Variants in SAMD9L observed in about 807,000 individuals in gnomAD.
SAMD9L encodes the protein sterile alpha motif domain containing 9 like.
A neutral mutation model predicts 90.7 loss-of-function variants in SAMD9L; 68 were observed. The observed-to-expected ratio is 0.75, with a 90% CI of 0.62 to 0.92. The LOEUF (loss-of-function observed/expected upper bound fraction) is 0.92, where lower values mean the gene tolerates loss of function less well. Ranked by LOEUF, SAMD9L falls within the 40% of genes least tolerant of loss-of-function variation. The pLI is 0.00. For missense variants in SAMD9L, 1,604 were observed against 1,824.3 expected, an observed-to-expected ratio of 0.88 and a Z score of 2.20; for synonymous variants, 640 against 630.1, an observed-to-expected ratio of 1.02 and a Z score of -0.23.
chr7:93,132,021 A>G lies in SAMD9L; in HGVS notation c.3951T>C (p.Ser1317=), dbSNP rs1792132405. The change falls in exon 5 of 5, where the codon AGT becomes AGC. Residue 1317 remains serine, a synonymous_variant. Transcript: ENST00000318238. ...CCTCCTGGAGTAATTGACTCTCTTT[A>G]CTTTGTAATAGACATGGATCCAAAT... ...FCHLDPCLLQ[S]KESQLLQEEN... is the part of the protein sequence containing the mutation. 3 of 1,613,200 alleles carry G rather than the reference A, an allele frequency of 1.9e-6. No homozygotes were observed. The highest frequency in any genetic ancestry group is 1.7e-5 in the Admixed American group (1 of 59,834).
chr7:93,138,442 C>T (rs564480937), intron 4 of SAMD9L, among the ~76,000 whole-genome samples: 7 of 151,976 alleles, frequency 4.6e-5, no homozygotes, highest in African/African-American at 1.7e-4. Flanking sequence ...CACACACACA[C>T]ACACACACTC....
intron 4 of SAMD9L, among the ~76,000 whole-genome samples, chr7:93,143,002 C>G (rs1792751804): frequency 6.6e-6 from 1 of 152,170 alleles, no homozygotes; most frequent in African/African-American, 2.4e-5. Context: ...GCTTAGCAAC[C>G]ATTACATGCC....
intron 4 of SAMD9L, among the ~76,000 whole-genome samples, chr7:93,136,947 G>T (rs548418531): frequency 6.6e-6 from 1 of 152,254 alleles, no homozygotes; most frequent in South Asian, 2.1e-4. Flanking sequence ...CAAACTAGCA[G>T]CATCAGCATC....
chr7:93,139,984 C>T (rs1296996434), intron 4 of SAMD9L, among the ~76,000 whole-genome samples: 1 of 152,136 alleles, frequency 6.6e-6, no homozygotes, highest in African/African-American at 2.4e-5. Flanking sequence ...ACTTATTTTT[C>T]TCCTCTCTGG....
In SAMD9L at chr7:93,131,856, T is replaced by C. The variant is rs1239560891; in HGVS notation, c.4116A>G (p.Ser1372=). The C allele has an allele frequency of 6.2e-7, 1 of 1,612,158 alleles. No individual in the cohort carries two copies. Among genetic ancestry groups the C allele is most frequent in the South Asian group, 1.1e-5 (1 of 91,076 alleles). Residue 1372 remains serine, a synonymous_variant, in exon 5 of 5, where the codon TCA becomes TCG. Coordinates refer to ENST00000318238, the MANE Select transcript of SAMD9L (RefSeq NM_152703.5). ...GTTTCTCATTTGTCATGGGCTTTTTTGAGTTTTGCTGCAGTAGGAAGGCAT... is the reference window on the plus strand; with the variant it reads ...GTTTCTCATTTGTCATGGGCTTTTTCGAGTTTTGCTGCAGTAGGAAGGCAT... ...NEYAFLLQQN[S]KKPMTNEKQN...
At chr7:93,147,537 C>T (rs1357362532) in intron 1 of SAMD9L, among the ~76,000 whole-genome samples, 1 of 152,154 alleles carries the variant, frequency 6.6e-6, no homozygotes, top group South Asian at 2.1e-4. Context: ...AGGTGTTCTG[C>T]TCTGCAGGAT....
chr7:93,131,289 G>A lies in SAMD9L; in HGVS notation c.4683C>T (p.Asn1561=). ...VYSGPLRSGR[N]IERVSFYLGF... ...CTAGGTAGAAAGACACTCTTTCTAT[G>A]TTCCTACCACTTCTGAGTGGACCTG... Residue 1561 remains asparagine (N), a synonymous_variant, in exon 5 of 5, where the codon AAC becomes AAT. Transcript: ENST00000318238. The A allele has an allele frequency of 1.9e-6, 3 of 1,611,050 alleles. No homozygotes were observed. The highest frequency in any genetic ancestry group is 2.5e-6 in the Non-Finnish European group (3 of 1,178,778).
intron 4 of SAMD9L, among the ~76,000 whole-genome samples, chr7:93,140,139 C>T (rs1792626309): frequency 6.6e-6 from 1 of 152,106 alleles, no homozygotes; most frequent in African/African-American, 2.4e-5. Flanking sequence ...GACAATGGCC[C>T]TCTGCACCCT....
Position 93,132,291 on chromosome 7 carries a change from A to T in SAMD9L, c.3681T>A (p.His1227Gln). The T allele has an allele frequency of 6.2e-7, 1 of 1,613,764 alleles. No homozygotes were observed. The highest frequency in any genetic ancestry group is 1.1e-5 in the South Asian group (1 of 91,062). The change falls in exon 5 of 5, where the codon CAT becomes CAA. Residue 1227 changes from histidine to glutamine, a missense_variant. By Grantham distance (24) the His-to-Gln change is conservative. This residue lies in a region of SAMD9L where 302 missense variants were observed against 314.7 expected (regional missense o/e 0.96). Transcript: ENST00000318238. ...ACTTTCCTGATAAAAATTGCACCAT[A>T]TGTTTTTTGGATAATTCATTTTCTT... ...FHKENELSKK[H>Q]MVQFLSGKWT...
chr7:93,144,156 C>A (rs1405849014), intron 4 of SAMD9L, among the ~76,000 whole-genome samples: 1 of 152,162 alleles, frequency 6.6e-6, no homozygotes, highest in Non-Finnish European at 1.5e-5. Context: ...ACCACTGTAT[C>A]TAACATGGAT....
At chr7:93,139,313 G>A (rs76373986) in intron 4 of SAMD9L, among the ~76,000 whole-genome samples, 1,559 of 152,096 alleles carry the variant, frequency 0.01, 28 homozygotes, top group African/African-American at 0.034. Flanking sequence ...GAATTATATC[G>A]CGCCAAAGTT....
chr7:93,144,437 A>T (rs567680341), intron 4 of SAMD9L, among the ~76,000 whole-genome samples: 1 of 152,376 alleles, frequency 6.6e-6, no homozygotes, highest in South Asian at 2.1e-4. Flanking sequence ...ATTACATTGT[A>T]TTAGGCATTA....
intron 4 of SAMD9L, among the ~76,000 whole-genome samples, chr7:93,139,127 G>T (rs1194233931): frequency 6.6e-6 from 1 of 152,038 alleles, no homozygotes; most frequent in Admixed American, 6.6e-5. Context: ...AAGCTGAAGG[G>T]AAGAGGACAC....
In SAMD9L at chr7:93,135,495, T is replaced by C; in HGVS notation, c.477A>G (p.Glu159=). The C allele has an allele frequency of 9.3e-6, 15 of 1,614,180 alleles. No homozygotes were observed. The highest frequency in any genetic ancestry group is 1.2e-5 in the Non-Finnish European group (14 of 1,180,000). Residue 159 remains glutamate (E), a synonymous_variant, in exon 5 of 5, where the codon GAA becomes GAG. Coordinates refer to ENST00000318238, the MANE Select transcript of SAMD9L (RefSeq NM_152703.5). ...KHKKKGKLKP[E]QLTCMPYPFD... ...AAGGATATGGCATACAAGTCAATTG[T>C]TCAGGTTTTAGCTTACCCTTTTTCT...
In SAMD9L at chr7:93,134,370, A is replaced by T; in HGVS notation, c.1602T>A (p.Asp534Glu). 6.2e-7 allele frequency: 1 copy of T among 1,612,394 alleles called. No individual in the cohort carries two copies. Among genetic ancestry groups the T allele is most frequent in the Non-Finnish European group, 8.5e-7 (1 of 1,179,562 alleles). ...EVRKLILFLT[D>E]ENIMTRGKFL... is the part of the protein sequence containing the mutation. ...ATTTTCCTCTTGTCATTATATTTTC[A>T]TCTGTGAGAAATAAAATTAGTTTCC... The change falls in exon 5 of 5, where the codon GAT becomes GAA. Residue 534 changes from aspartate to glutamate, a missense_variant. Coordinates refer to ENST00000318238, the MANE Select transcript of SAMD9L (RefSeq NM_152703.5).
At position 93,145,555 on chromosome 7, in the gene SAMD9L, C is replaced by T. The variant is rs989865756; in HGVS notation, c.-293G>A. On this transcript the variant is annotated 5_prime_UTR_variant, in exon 3 of 5. Coordinates refer to ENST00000318238, the MANE Select transcript of SAMD9L (RefSeq NM_152703.5). Reference sequence around the variant, plus strand: ...GAGCTGTAGGCAGAACAGACTTGGTCCTTGTTCAGTTTGCCGGAGGATATA... The same window carrying T: ...GAGCTGTAGGCAGAACAGACTTGGTTCTTGTTCAGTTTGCCGGAGGATATA... The T allele has an allele frequency of 1.3e-5, 2 of 152,138 alleles. No homozygotes were observed. Among genetic ancestry groups the T allele is most frequent in the African/African-American group, 4.8e-5 (2 of 41,424 alleles). 9.4% of individuals were successfully genotyped at this position (152,138 alleles called of 1,614,324 possible). A position where few individuals can be genotyped will look rare whatever the true frequency, so the allele number is the denominator to read the frequency against.
chr7:93,143,510 C>T (rs952122399), intron 4 of SAMD9L, among the ~76,000 whole-genome samples: 9 of 152,210 alleles, frequency 5.9e-5, no homozygotes, highest in Admixed American at 2.0e-4. Context: ...CTCCTCACCA[C>T]GGTCACCTTG....
At chr7:93,140,423 A>G (rs916654325) in intron 4 of SAMD9L, among the ~76,000 whole-genome samples, 1 of 152,198 alleles carries the variant, frequency 6.6e-6, no homozygotes, top group Non-Finnish European at 1.5e-5. Context: ...TGGCTGGACA[A>G]TGGCCCTCCA....
In SAMD9L at chr7:93,133,113, T is replaced by C. The variant is rs1384437382; in HGVS notation, c.2859A>G (p.Thr953=). ...CTTCTAAGCTTTCAGGTTCCCAGGG[T>C]GTACTAGTGTATATGATTCCCAAAA... is the stretch of plus-strand genomic sequence containing the variant. ...EIFLGIIYTS[T]PWEPESLEDK... is the part of the protein sequence containing the mutation. The change falls in exon 5 of 5, where the codon ACA becomes ACG. Residue 953 remains threonine (T), a synonymous_variant. Transcript: ENST00000318238. The C allele has an allele frequency of 2.5e-5, 41 of 1,612,466 alleles. No individual in the cohort carries two copies. Among genetic ancestry groups the C allele is most frequent in the Non-Finnish European group, 3.5e-5 (41 of 1,178,952 alleles).
Sources: gnomAD v4.1 joint callset for allele counts (sites outside exome capture counted in the v4.1 genomes callset) on GRCh38, gnomAD v4.1.1 for gene constraint, gnomAD v4.1.1 regional missense constraint, MANE v1.5 for transcripts, NCBI Gene and HGNC (gene_info 2026-07-23, HGNC 2026-07-21) for gene names.